Variants in NUP210 observed in about 807,000 individuals in gnomAD.
The protein encoded by NUP210 is nucleoporin 210.
Under a neutral mutation model 196.0 loss-of-function variants are expected in NUP210, and 151 were observed. That is an observed-to-expected ratio of 0.77 (90% CI 0.67 to 0.88). The LOEUF (loss-of-function observed/expected upper bound fraction) is 0.88, where lower values mean the gene tolerates loss of function less well. NUP210 is among the 40% of genes least tolerant of loss of function. The probability of loss-of-function intolerance (pLI) is 0.00; values close to 1 mark genes in which losing one functional copy is unlikely to be tolerated. For synonymous variants in NUP210, 1,070 were observed against 1,052.7 expected (o/e 1.02, Z -0.32); for missense variants, 2,314 against 2,493.7 (o/e 0.93, Z 1.53).
rs1174805808 is a variant in NUP210, at chr3:13,336,792, G to T, written c.3679C>A (p.His1227Asn). Residue 1227 changes from histidine (H) to asparagine (N), a missense_variant, in exon 27 of 40, where the codon CAC (histidine) becomes AAC (asparagine). Physicochemically the swap from His to Asn is moderately conservative, Grantham distance 68 (BLOSUM62 1). Coordinates refer to ENST00000254508, the MANE Select transcript of NUP210 (RefSeq NM_024923.4). Reference sequence around the variant, plus strand: ...TGGAGGGGGTGGTTACCTACCTCGTGGTGCCGCCCTCGGAGGTCCAGGACG... The same window carrying T: ...TGGAGGGGGTGGTTACCTACCTCGTTGTGCCGCCCTCGGAGGTCCAGGACG... The part of the protein sequence containing the change: ...RDVLDLRGRH[H>N]EASIRLPSQY... The T allele has an allele frequency of 6.2e-7, 1 of 1,613,110 alleles. No individual in the cohort carries two copies. Among genetic ancestry groups the T allele is most frequent in the Admixed American group, 1.7e-5 (1 of 59,988 alleles).
At chr3:13,415,952 G>A (rs951844047) in intron 1 of NUP210, among the ~76,000 whole-genome samples, 1 of 152,136 alleles carries the variant, frequency 6.6e-6, no homozygotes, top group African/African-American at 2.4e-5. Context: ...ACATCCACAC[G>A]CAAGGGTAGT....
intron 1 of NUP210, among the ~76,000 whole-genome samples, chr3:13,409,489 T>A (rs920247367): frequency 2.0e-5 from 3 of 152,216 alleles, no homozygotes; most frequent in African/African-American, 7.2e-5. Flanking sequence ...CTTGAAACTT[T>A]CATTTATTCT....
rs1696951582 is a variant in NUP210 at position 13,330,504 on chromosome 3, G to A, written c.4066C>T (p.Gln1356Ter). The A allele has an allele frequency of 6.2e-7, 1 of 1,614,204 alleles. No individual in the cohort carries two copies. The highest frequency in any genetic ancestry group is 8.5e-7 in the Non-Finnish European group (1 of 1,180,030). Residue 1356 changes from glutamine (Q) to a stop codon, truncating the protein, a stop_gained, in exon 30 of 40, where the codon CAA (glutamine) becomes TAA (stop). Transcript: ENST00000254508. LOFTEE classifies it high-confidence loss of function. ...IGTSTIEVIA[Q>*]EPFGANQTII... The stretch of plus-strand genomic sequence containing the variant: ...GTTTGGTTGGCCCCAAAGGGCTCTT[G>A]TGCAATCACTTCGATGGTGGATGTC...
intron 10 of NUP210, 104 bp downstream of exon 10, chr3:13,376,187 G>A: frequency 8.6e-7 from 1 of 1,161,494 alleles, no homozygotes; most frequent in South Asian, 1.4e-5. Context: ...AGGGATGCAG[G>A]TGGCCCAACT....
At chr3:13,352,924 G>A (rs928651218) in intron 18 of NUP210, among the ~76,000 whole-genome samples, 1 of 152,070 alleles carries the variant, frequency 6.6e-6, no homozygotes. Flanking sequence ...CTCAGCTATG[G>A]GGGGTGGGGG....
Position 13,399,825 on chromosome 3 carries a change from C to T in NUP210, c.204G>A (p.Pro68=), listed in dbSNP as rs148640066. ...AGCACTGCTGCTCGTCCAGGCCCAG[C>T]GGCTCGATGCTGGCCACCTCCGGCC... ...STRPEVASIE[P]LGLDEQQCSQ... Residue 68 remains proline (P), a synonymous_variant, in exon 2 of 40, where the codon CCG becomes CCA. Transcript: ENST00000254508. 2.6e-5 allele frequency: 42 copies of T among 1,612,334 alleles called. No individual in the cohort carries two copies. Among genetic ancestry groups the T allele is most frequent in the Non-Finnish European group, 3.2e-5 (38 of 1,179,234 alleles).
intron 6 of NUP210, among the ~76,000 whole-genome samples, chr3:13,380,866 T>C (rs908590230): frequency 2.0e-5 from 3 of 152,252 alleles, no homozygotes; most frequent in Admixed American, 2.0e-4. Context: ...ATTTTTCATG[T>C]GATCTAATAA....
Position 13,337,096 on chromosome 3 carries a change from G to A in NUP210, c.3553-178C>T. On this transcript the variant is annotated intron_variant, in intron 26 of 39. Transcript: ENST00000254508. Reference sequence around the variant, plus strand: ...TATCAAACGAGCAAACCAGAGGTGGGACTGTTTTCCCCATACTGTCCCTCC... The same window carrying A: ...TATCAAACGAGCAAACCAGAGGTGGAACTGTTTTCCCCATACTGTCCCTCC... 6.1e-6 allele frequency: 4 copies of A among 659,936 alleles called. No homozygotes were observed. The South Asian group carries it at 7.1e-5, about 12-fold the overall frequency. 40.9% of individuals were successfully genotyped at this position (659,936 alleles called of 1,614,324 possible).
Position 13,348,835 on chromosome 3 carries a change from C to T in NUP210, c.2835+3044G>A, listed in dbSNP as rs1697854115. ...ATCCTCTTTGCAAGACAGCTGGAGA[C>T]CAACATCAAACGCTGAAGGAAGGTT... On this transcript the variant is annotated intron_variant, in intron 20 of 39. Transcript: ENST00000254508. The surrounding 1 kb of genome is among the most constrained non-coding windows in gnomAD (Gnocchi z 4.0). 1.0e-6 allele frequency: 1 copy of T among 985,248 alleles called. No homozygotes were observed. The highest frequency in any genetic ancestry group is 6.2e-5 in the Admixed American group (1 of 16,260). 61.0% of individuals were successfully genotyped at this position (985,248 alleles called of 1,614,324 possible). A position where few individuals can be genotyped will look rare whatever the true frequency, so the allele number is the denominator to read the frequency against.
intron 14 of NUP210, among the ~76,000 whole-genome samples, chr3:13,362,455 TG>T (rs1033792600): frequency 6.6e-6 from 1 of 152,162 alleles, no homozygotes; most frequent in African/African-American, 2.4e-5. Flanking sequence ...AATCTGCTGG[TG>T]CCTTGACCTT....
intron 11 of NUP210, 38 bp downstream of exon 11, chr3:13,375,466 C>G (rs200375970): frequency 6.3e-7 from 1 of 1,586,330 alleles, no homozygotes. Flanking sequence ...CATGAAAACA[C>G]CAAAGGAATG....
At chr3:13,419,432 G>T (rs1038023416) in intron 1 of NUP210, among the ~76,000 whole-genome samples, 2 of 152,208 alleles carry the variant, frequency 1.3e-5, no homozygotes, top group African/African-American at 4.8e-5. Context: ...CTCCCAACCC[G>T]AGAGGGAGGG....
At chr3:13,369,966 G>A (rs547560302) in intron 13 of NUP210, among the ~76,000 whole-genome samples, 2 of 152,306 alleles carry the variant, frequency 1.3e-5, no homozygotes, top group East Asian at 3.9e-4. Context: ...ATCAGAGTCT[G>A]GCTACCTGTG....
chr3:13,420,084 TCCAGCGTGAAGTTAACGCGCGTGG>T lies in NUP210; in HGVS notation c.119_142del (p.Ala40_Leu47del). On this transcript the variant is annotated inframe_deletion, in exon 1 of 40. Transcript: ENST00000254508. This position sits in a 1 kb window ranked among gnomAD's most constrained non-coding sequence, Gnocchi z 4.8. ...CCAGCGGTAGCAGCCCTCCGAGGCC[TCCAGCGTGAAGTTAACGCGCGTGG>T]CCCGCGTGAAGGGCAGCAGCACTTT... 1 of 1,372,946 alleles carries T rather than the reference TCCAGCGTGAAGTTAACGCGCGTGG, an allele frequency of 7.3e-7. No homozygotes were observed. Among genetic ancestry groups the T allele is most frequent in the Non-Finnish European group, 9.6e-7 (1 of 1,042,106 alleles). 85.0% of individuals were successfully genotyped at this position (1,372,946 alleles called of 1,614,324 possible).
At chr3:13,360,787 C>G (rs752262574) in intron 14 of NUP210, among the ~76,000 whole-genome samples, 1 of 152,136 alleles carries the variant, frequency 6.6e-6, no homozygotes, top group Non-Finnish European at 1.5e-5. Flanking sequence ...TACCCACAGC[C>G]CTGGAACCCA....
chr3:13,397,178 G>A (rs1356768974), intron 3 of NUP210, among the ~76,000 whole-genome samples, 179 bp downstream of exon 3: 2 of 152,096 alleles, frequency 1.3e-5, no homozygotes, highest in East Asian at 3.9e-4. Flanking sequence ...CCTCAGAGGT[G>A]GTTTCTGCCT....
chr3:13,341,603 A>C, intron 23 of NUP210, 145 bp downstream of exon 23: 2 of 948,252 alleles, frequency 2.1e-6, no homozygotes, highest in East Asian at 2.6e-5. Context: ...AGAGCTCGTA[A>C]CAGCTGCCTT....
In NUP210 at chr3:13,349,074, C is replaced by T. The variant is rs917573622; in HGVS notation, c.2835+2805G>A. On this transcript the variant is annotated intron_variant, in intron 20 of 39. Transcript: ENST00000254508. ...CACAGACTTCCCCATGAAACATACA[C>T]ACAGCCGTTTAAAATCTCTGGGATG... Among the ~76,000 whole-genome samples the T allele has an allele frequency of 2.8e-5, 3 of 107,568 alleles. No homozygotes were observed. In the East Asian group the frequency reaches 5.9e-4, roughly 21 times the overall value. The allele number at this position is 107,568 out of a possible 152,430, so 70.6% of individuals were successfully genotyped here.
chr3:13,362,963 A>G (rs1698418435), intron 14 of NUP210, among the ~76,000 whole-genome samples: 1 of 152,172 alleles, frequency 6.6e-6, no homozygotes, highest in Non-Finnish European at 1.5e-5. Context: ...CCCCTCAGAC[A>G]TCACTGGATA....
Sources: allele counts gnomAD v4.1 joint callset (sites outside exome capture counted in the v4.1 genomes callset), GRCh38; gene constraint gnomAD v4.1.1; non-coding constraint Gnocchi (gnomAD v3.1); transcripts MANE v1.5; gene names NCBI Gene and HGNC (gene_info 2026-07-23, HGNC 2026-07-21).